Variants in DDAH1 observed in about 807,000 individuals in gnomAD.
The protein encoded by DDAH1 is dimethylarginine dimethylaminohydrolase 1.
In DDAH1, 19 loss-of-function variants were observed where a neutral mutation model predicts 28.8. The observed-to-expected ratio is 0.66, with a 90% confidence interval of 0.46 to 0.97. The LOEUF (loss-of-function observed/expected upper bound fraction) is 0.97. Among genes scored for constraint, DDAH1 ranks in the 50% least tolerant of loss-of-function variants. The pLI is 0.00. For synonymous variants in DDAH1, 153 were observed against 154.4 expected (o/e 0.99, Z 0.07); for missense variants, 326 against 375.9 (o/e 0.87, Z 1.10).
intron 2 of DDAH1, among the ~76,000 whole-genome samples, chr1:85,487,211 C>T (rs1439542457): frequency 6.6e-6 from 1 of 152,248 alleles, no homozygotes; most frequent in Non-Finnish European, 1.5e-5. Flanking sequence ...GAAGGTGTCA[C>T]TCTCAGGCAC....
chr1:85,441,838 C>A (rs1654213233), intron 1 of DDAH1, among the ~76,000 whole-genome samples: 2 of 152,258 alleles, frequency 1.3e-5, no homozygotes. Context: ...TATATCACAT[C>A]TAAAGAAGAT....
intron 1 of DDAH1, among the ~76,000 whole-genome samples, chr1:85,564,268 A>G (rs1281980466): frequency 6.6e-6 from 1 of 152,196 alleles, no homozygotes; most frequent in African/African-American, 2.4e-5. Flanking sequence ...TACCTCCCAT[A>G]AAAGATTAAT....
At chr1:85,379,845 C>G (rs971783531) in intron 1 of DDAH1, 1 of 344,810 alleles carries the variant, frequency 2.9e-6, no homozygotes, top group African/African-American at 2.2e-5. Context: ...TTCCACGTTT[C>G]TACCACTGGA....
At chr1:85,469,596 A>T (rs1013214726), upstream of DDAH1, among the ~76,000 whole-genome samples, 1 of 152,218 alleles carries the variant, frequency 6.6e-6, no homozygotes, top group Admixed American at 6.5e-5. Context: ...TTTGCACATG[A>T]TTTCCTACCG....
At chr1:85,420,424 G>A (rs1415862096) in intron 1 of DDAH1, among the ~76,000 whole-genome samples, 2 of 152,132 alleles carry the variant, frequency 1.3e-5, no homozygotes, top group Non-Finnish European at 2.9e-5. Flanking sequence ...ATGAGCATAG[G>A]CTGTTAGAAG....
At chr1:85,405,100 G>A (rs12758237) in intron 1 of DDAH1, among the ~76,000 whole-genome samples, 23,996 of 152,024 alleles carry the variant, frequency 0.16, 2,265 homozygotes, top group Admixed American at 0.22. Context: ...CCTTTATGCA[G>A]GGGCCACCAG....
chr1:85,388,600 T>C (rs1177543510), intron 1 of DDAH1, among the ~76,000 whole-genome samples: 1 of 152,180 alleles, frequency 6.6e-6, no homozygotes, highest in Non-Finnish European at 1.5e-5. Flanking sequence ...GAATACTTAA[T>C]AAAGTGTAAA....
At chr1:85,553,729 G>C (rs1658871967) in intron 1 of DDAH1, among the ~76,000 whole-genome samples, 1 of 152,164 alleles carries the variant, frequency 6.6e-6, no homozygotes, top group African/African-American at 2.4e-5. Context: ...ACTGCATCTG[G>C]GGACTGTCAG....
In DDAH1 at chr1:85,464,452, C is replaced by G; in HGVS notation, c.303+291G>C. The G allele has an allele frequency of 6.1e-6, 9 of 1,468,582 alleles. No homozygotes were observed. Among genetic ancestry groups the G allele is most frequent in the African/African-American group, 1.4e-5 (1 of 71,272 alleles). The allele number at this position is 1,468,582 out of a possible 1,614,324, so 91.0% of individuals were successfully genotyped here. A position where few individuals can be genotyped will look rare whatever the true frequency, so the allele number is the denominator to read the frequency against. The stretch of plus-strand genomic sequence containing the variant: ...ACTGTCGTCGCTGCCGTTTAATTTT[C>G]ACAAATAAAAATGCCCGTGAGACGG... On this transcript the variant is annotated intron_variant, in intron 1 of 5. Transcript: ENST00000284031. This position sits in a 1 kb window ranked among gnomAD's most constrained non-coding sequence, Gnocchi z 4.4.
intron 2 of DDAH1, among the ~76,000 whole-genome samples, chr1:85,484,302 T>C (rs535432551): frequency 1.3e-5 from 2 of 151,640 alleles, no homozygotes; most frequent in East Asian, 3.9e-4. Flanking sequence ...ATGTATTATA[T>C]ATTTTTTCAA....
intron 5 of DDAH1, among the ~76,000 whole-genome samples, chr1:85,322,433 TCAAA>T (rs1013397737): frequency 2.5e-4 from 38 of 152,350 alleles, no homozygotes; most frequent in African/African-American, 8.7e-4. Context: ...TCTGTGATGA[TCAAA>T]CAAAGCATAT....
intron 1 of DDAH1, among the ~76,000 whole-genome samples, chr1:85,541,741 T>C (rs1658477813): frequency 6.6e-6 from 1 of 152,182 alleles, no homozygotes; most frequent in Non-Finnish European, 1.5e-5. Context: ...GGGAGATGAT[T>C]AGATCATGAA....
At chr1:85,398,842 A>G (rs1651935094) in intron 1 of DDAH1, 1 of 152,178 alleles carries the variant, frequency 6.6e-6, no homozygotes, top group African/African-American at 2.4e-5. Context: ...AGCATGTTGA[A>G]TCTGTTATGT....
Position 85,464,892 on chromosome 1 carries a change from C to A in DDAH1, c.154G>T (p.Gly52Cys). Residue 52 changes from glycine to cysteine, a missense_variant, in exon 1 of 6, where the codon GGC becomes TGC. Coordinates refer to ENST00000284031, the MANE Select transcript of DDAH1 (RefSeq NM_012137.4). The surrounding 1 kb of genome is among the most constrained non-coding windows in gnomAD (Gnocchi z 4.4). Reference sequence around the variant, plus strand: ...AGCCCCAGCTTGCTGCCCAGCACGCCCACGTAGAGCTGGTGCTGCCGTTCC... The same window carrying A: ...AGCCCCAGCTTGCTGCCCAGCACGCACACGTAGAGCTGGTGCTGCCGTTCC... ...RAERQHQLYV[G>C]VLGSKLGLQV... is the part of the protein sequence containing the mutation. 6.4e-7 allele frequency: 1 copy of A among 1,574,210 alleles called. No individual in the cohort carries two copies. The highest frequency in any genetic ancestry group is 2.4e-5 in the East Asian group (1 of 41,668).
chr1:85,479,300 A>C (rs1445870053), intron 2 of DDAH1, among the ~76,000 whole-genome samples: 1 of 150,366 alleles, frequency 6.7e-6, no homozygotes, highest in Non-Finnish European at 1.5e-5. Context: ...CAGCCTCCCG[A>C]GTAGCTGGGA....
chr1:85,392,227 G>C (rs549346786), intron 1 of DDAH1, among the ~76,000 whole-genome samples: 1 of 152,018 alleles, frequency 6.6e-6, no homozygotes, highest in Admixed American at 6.5e-5. Flanking sequence ...TCTAGGCCTC[G>C]TTCCTTGGCT....
At chr1:85,461,050 G>A (rs553166258) in intron 1 of DDAH1, among the ~76,000 whole-genome samples, 3 of 152,258 alleles carry the variant, frequency 2.0e-5, no homozygotes, top group African/African-American at 7.2e-5. Context: ...GAAGTTCAAG[G>A]CTGCAGTGAG....
chr1:85,457,726 G>GCAAC (rs1486126386), intron 1 of DDAH1, among the ~76,000 whole-genome samples: 1 of 152,232 alleles, frequency 6.6e-6, no homozygotes, highest in Non-Finnish European at 1.5e-5. Flanking sequence ...TTTCGCTCTT[G>GCAAC]TTGCCCAGGC....
intron 1 of DDAH1, among the ~76,000 whole-genome samples, chr1:85,557,616 G>A (rs1403958): frequency 0.025 from 3,847 of 152,200 alleles, 188 homozygotes; most frequent in African/African-American, 0.087. Flanking sequence ...CGAACTTAGT[G>A]TTATGGGCTA....
Sources: gnomAD v4.1 joint callset for allele counts (sites outside exome capture counted in the v4.1 genomes callset) on GRCh38, gnomAD v4.1.1 for gene constraint, Gnocchi (gnomAD v3.1) non-coding constraint, MANE v1.5 for transcripts, NCBI Gene and HGNC (gene_info 2026-07-23, HGNC 2026-07-21) for gene names.